ZHX2: variants seen among roughly 807,000 people sequenced by gnomAD.
ZHX2 encodes the protein zinc fingers and homeoboxes 2.
A neutral mutation model predicts 21.9 loss-of-function variants in ZHX2; 6 were observed. The ratio of observed to expected loss-of-function variants is 0.27; its 90% confidence interval spans 0.15 to 0.54. The LOEUF is 0.54. Among genes scored for constraint, ZHX2 ranks in the 20% least tolerant of loss-of-function variants. The pLI is 0.95. For synonymous variants in ZHX2, 434 were observed against 437.1 expected (o/e 0.99, Z 0.09); for missense variants, 908 against 1,090.7 (o/e 0.83, Z 2.36).
intron 1 of ZHX2, among the ~76,000 whole-genome samples, chr8:122,859,665 G>GC (rs1819115313): frequency 6.6e-6 from 1 of 152,148 alleles, no homozygotes; most frequent in Non-Finnish European, 1.5e-5. Context: ...GGGGTGGGGA[G>GC]CGTGGTCTTT....
chr8:122,820,805 G>A (rs947248648), intron 1 of ZHX2, among the ~76,000 whole-genome samples: 6 of 152,142 alleles, frequency 3.9e-5, no homozygotes, highest in African/African-American at 9.7e-5. Flanking sequence ...AGCTGTCTCC[G>A]AATATTAAAG....
intron 1 of ZHX2, among the ~76,000 whole-genome samples, chr8:122,819,825 A>G (rs2130633334): frequency 6.6e-6 from 1 of 152,340 alleles, no homozygotes; most frequent in East Asian, 1.9e-4. Flanking sequence ...AAATACCCAC[A>G]AGAGGCCGGA....
At chr8:122,820,888 G>A (rs1226036517) in intron 1 of ZHX2, among the ~76,000 whole-genome samples, 1 of 152,194 alleles carries the variant, frequency 6.6e-6, no homozygotes, top group African/African-American at 2.4e-5. Flanking sequence ...GCCCACACAG[G>A]CCCGTGCCTT....
chr8:122,888,061 C>T (rs953332468), intron 2 of ZHX2, among the ~76,000 whole-genome samples: 1 of 152,166 alleles, frequency 6.6e-6, no homozygotes, highest in Admixed American at 6.5e-5. Context: ...CAGCAGGAGC[C>T]CCCTCTCTAC....
intron 2 of ZHX2, among the ~76,000 whole-genome samples, chr8:122,941,305 T>C (rs1290744486): frequency 6.6e-6 from 1 of 152,204 alleles, no homozygotes; most frequent in Non-Finnish European, 1.5e-5. Context: ...ACTATCAGGT[T>C]TCCTTGGTCA....
In ZHX2 at chr8:122,953,644, G is replaced by A; in HGVS notation, c.2134G>A (p.Ala712Thr). 1 of 1,614,236 alleles carries A rather than the reference G, an allele frequency of 6.2e-7. No individual in the cohort carries two copies. Among genetic ancestry groups the A allele is most frequent in the Non-Finnish European group, 8.5e-7 (1 of 1,180,050 alleles). ...DHGYDAVARK[A>T]TKPMAESPKN... Reference sequence around the variant, plus strand: ...CGGCTACGATGCCGTAGCAAGGAAAGCAACAAAACCCATGGCCGAGAGCCC... The same window carrying A: ...CGGCTACGATGCCGTAGCAAGGAAAACAACAAAACCCATGGCCGAGAGCCC... Residue 712 changes from alanine to threonine, a missense_variant, in exon 3 of 4, where the codon GCA (alanine) becomes ACA (threonine). Transcript: ENST00000314393. This position sits in a 1 kb window ranked among gnomAD's most constrained non-coding sequence, Gnocchi z 4.6.
chr8:122,823,810 T>C (rs1319053191), intron 1 of ZHX2, among the ~76,000 whole-genome samples: 1 of 152,236 alleles, frequency 6.6e-6, no homozygotes, highest in Non-Finnish European at 1.5e-5. Flanking sequence ...CCACTCATCC[T>C]GCTCAGTTCT....
intron 1 of ZHX2, among the ~76,000 whole-genome samples, chr8:122,852,221 G>A (rs1267113156): frequency 6.6e-6 from 1 of 152,104 alleles, no homozygotes; most frequent in African/African-American, 2.4e-5. Context: ...ATGGCATACT[G>A]ATTAGAATCA....
chr8:122,907,722 C>A (rs936848116), intron 2 of ZHX2, among the ~76,000 whole-genome samples: 1 of 152,156 alleles, frequency 6.6e-6, no homozygotes, highest in Non-Finnish European at 1.5e-5. Context: ...AGGATGTTTT[C>A]CCATCTATAA....
chr8:122,830,752 C>T lies in ZHX2; in HGVS notation c.-282-32725C>T, dbSNP rs7827329. 8.3e-3 allele frequency among the ~76,000 whole-genome samples: 1,261 copies of T among 152,160 alleles called. 15 individuals carry two copies. Among genetic ancestry groups the T allele is most frequent in the African/African-American group, 0.029 (1,217 of 41,486 alleles). On this transcript the variant is annotated intron_variant, in intron 1 of 3. Transcript: ENST00000314393. ...GATTAAGGAGGGGAGGTAATTACTG[C>T]GTGGCTCAGAGTCTGGTAAGGATGG...
chr8:122,813,641 GA>G (rs1817974232), intron 1 of ZHX2, among the ~76,000 whole-genome samples: 1 of 152,200 alleles, frequency 6.6e-6, no homozygotes. Context: ...GTTGGGACCA[GA>G]AGTGTTTCAG....
chr8:122,884,471 A>C (rs1238598623), intron 2 of ZHX2, among the ~76,000 whole-genome samples: 1 of 152,214 alleles, frequency 6.6e-6, no homozygotes, highest in Non-Finnish European at 1.5e-5. Context: ...TTGGGGTGGA[A>C]AGAGGGAGGA....
intron 1 of ZHX2, among the ~76,000 whole-genome samples, chr8:122,837,369 G>T (rs568511512): frequency 6.6e-6 from 1 of 152,190 alleles, no homozygotes; most frequent in East Asian, 1.9e-4. Context: ...CTGAGCAATG[G>T]GTTCCAGACC....
intron 1 of ZHX2, among the ~76,000 whole-genome samples, chr8:122,831,482 C>T (rs572314118): frequency 6.6e-6 from 1 of 152,278 alleles, no homozygotes; most frequent in South Asian, 2.1e-4. Flanking sequence ...AACGAAGCGC[C>T]CTTCTTTGAC....
At chr8:122,908,724 A>G (rs952455321) in intron 2 of ZHX2, among the ~76,000 whole-genome samples, 8 of 152,310 alleles carry the variant, frequency 5.3e-5, no homozygotes, top group Non-Finnish European at 1.0e-4. Context: ...TTTTCAGCGT[A>G]CTGAAAAAAC....
chr8:122,878,298 A>G (rs1438738096), intron 2 of ZHX2, among the ~76,000 whole-genome samples: 1 of 152,224 alleles, frequency 6.6e-6, no homozygotes, highest in Non-Finnish European at 1.5e-5. Flanking sequence ...CTCAGTGGTG[A>G]ACAAGAAGAA....
At chr8:122,926,730 A>G (rs1308345146) in intron 2 of ZHX2, among the ~76,000 whole-genome samples, 1 of 152,184 alleles carries the variant, frequency 6.6e-6, no homozygotes, top group Admixed American at 6.5e-5. Flanking sequence ...TTGCCTTTCC[A>G]GCATCTAGGG....
chr8:122,894,661 G>A (rs756262413), intron 2 of ZHX2, among the ~76,000 whole-genome samples: 10 of 152,222 alleles, frequency 6.6e-5, no homozygotes, highest in Non-Finnish European at 5.9e-5. Flanking sequence ...TGCGGGGAGC[G>A]GGGAGGGATA....
chr8:122,862,242 C>G (rs929934548), intron 1 of ZHX2, among the ~76,000 whole-genome samples: 13 of 152,318 alleles, frequency 8.5e-5, no homozygotes, highest in African/African-American at 2.6e-4. Context: ...GCACCTTCCC[C>G]CAGATAGTGC....
Sources: gnomAD v4.1 joint callset for allele counts (sites outside exome capture counted in the v4.1 genomes callset) on GRCh38, gnomAD v4.1.1 for gene constraint, Gnocchi (gnomAD v3.1) non-coding constraint, MANE v1.5 for transcripts, NCBI Gene and HGNC (gene_info 2026-07-23, HGNC 2026-07-21) for gene names.